Variants in FBXL7 observed in about 807,000 individuals in gnomAD.
The protein encoded by FBXL7 is F-box/LRR-repeat protein 7.
Under a neutral mutation model 38.3 loss-of-function variants are expected in FBXL7, and 12 were observed. That is an observed-to-expected ratio of 0.31 (90% CI 0.20 to 0.51). The LOEUF is 0.51. FBXL7 is among the 20% of genes least tolerant of loss of function. The pLI, the probability that FBXL7 is intolerant of heterozygous loss-of-function variation, is 0.98. For synonymous variants in FBXL7, 297 were observed against 300.9 expected, an observed-to-expected ratio of 0.99 and a Z score of 0.13; for missense variants, 567 against 676.4, an observed-to-expected ratio of 0.84 and a Z score of 1.79.
intron 2 of FBXL7, among the ~76,000 whole-genome samples, chr5:15,872,801 T>A (rs1343179672): frequency 2.6e-5 from 4 of 152,030 alleles, no homozygotes; most frequent in African/African-American, 9.7e-5. Context: ...AGAGACTACA[T>A]AGAGATGTAG....
At chr5:15,872,514 G>A (rs770444322) in intron 2 of FBXL7, among the ~76,000 whole-genome samples, 38 of 152,212 alleles carry the variant, frequency 2.5e-4, no homozygotes, top group Non-Finnish European at 5.1e-4. Flanking sequence ...TAGGCCCATC[G>A]CTGTGCTGTA....
chr5:15,669,307 A>G (rs143986970), intron 2 of FBXL7, among the ~76,000 whole-genome samples: 1 of 152,298 alleles, frequency 6.6e-6, no homozygotes, highest in East Asian at 1.9e-4. Context: ...GAGTTTGAAG[A>G]TAAGTTCAGG....
intron 2 of FBXL7, among the ~76,000 whole-genome samples, chr5:15,724,446 G>C (rs1419591649): frequency 6.6e-6 from 1 of 152,048 alleles, no homozygotes; most frequent in Non-Finnish European, 1.5e-5. Context: ...CCACAATAAG[G>C]ATTCAAAATA....
chr5:15,680,979 A>G (rs1234016136), intron 2 of FBXL7, among the ~76,000 whole-genome samples: 2 of 152,194 alleles, frequency 1.3e-5, no homozygotes, highest in African/African-American at 2.4e-5. Flanking sequence ...AATGATGACT[A>G]TCTTTTTAGT....
intron 2 of FBXL7, among the ~76,000 whole-genome samples, chr5:15,623,121 G>C (rs1292359246): frequency 6.6e-6 from 1 of 152,212 alleles, no homozygotes; most frequent in African/African-American, 2.4e-5. Flanking sequence ...TTTGCTGCCT[G>C]ATTTCTAGCA....
At chr5:15,594,365 T>C (rs1444466274) in intron 1 of FBXL7, among the ~76,000 whole-genome samples, 2 of 152,266 alleles carry the variant, frequency 1.3e-5, no homozygotes, top group Non-Finnish European at 2.9e-5. Context: ...GTATCTGTTC[T>C]GATCTTGGGC....
At chr5:15,553,721 GA>G (rs1329450542) in intron 1 of FBXL7, among the ~76,000 whole-genome samples, 9 of 150,284 alleles carry the variant, frequency 6.0e-5, no homozygotes, top group African/African-American at 1.2e-4. Flanking sequence ...CAAAGCAAAG[GA>G]AAAAAAAAGG....
At chr5:15,688,804 G>A (rs982015314) in intron 2 of FBXL7, among the ~76,000 whole-genome samples, 11 of 152,170 alleles carry the variant, frequency 7.2e-5, no homozygotes, top group Non-Finnish European at 1.5e-4. Flanking sequence ...CCAGATGACA[G>A]TGGGGCTGAC....
chr5:15,550,204 G>A (rs992615159), intron 1 of FBXL7, among the ~76,000 whole-genome samples: 12 of 152,134 alleles, frequency 7.9e-5, no homozygotes, highest in African/African-American at 2.7e-4. Context: ...AGGACTTTTC[G>A]AAAGCAACTT....
At chr5:15,893,702 T>G (rs1741003231) in intron 2 of FBXL7, among the ~76,000 whole-genome samples, 1 of 152,248 alleles carries the variant, frequency 6.6e-6, no homozygotes, top group Non-Finnish European at 1.5e-5. Flanking sequence ...AGTCACCTGG[T>G]TGAAACGGAG....
chr5:15,620,850 T>G (rs1448801160), intron 2 of FBXL7, among the ~76,000 whole-genome samples: 1 of 152,220 alleles, frequency 6.6e-6, no homozygotes, highest in Non-Finnish European at 1.5e-5. Flanking sequence ...ACATTGGTTT[T>G]GGTTTCTTTT....
At chr5:15,763,134 C>T (rs959039902) in intron 2 of FBXL7, among the ~76,000 whole-genome samples, 6 of 152,112 alleles carry the variant, frequency 3.9e-5, no homozygotes, top group Non-Finnish European at 8.8e-5. Context: ...AATGGAGAGG[C>T]AATATGTATA....
At chr5:15,859,415 A>G (rs1739377073) in intron 2 of FBXL7, among the ~76,000 whole-genome samples, 1 of 152,126 alleles carries the variant, frequency 6.6e-6, no homozygotes, top group Non-Finnish European at 1.5e-5. Flanking sequence ...TCTACTGAGT[A>G]AAGGACAAAT....
At chr5:15,583,841 G>C (rs1262329080) in intron 1 of FBXL7, among the ~76,000 whole-genome samples, 1 of 152,180 alleles carries the variant, frequency 6.6e-6, no homozygotes, top group Non-Finnish European at 1.5e-5. Context: ...TGGGGGTTCT[G>C]ACTCCACATT....
chr5:15,695,075 A>T (rs1429955361), intron 2 of FBXL7, among the ~76,000 whole-genome samples: 6 of 152,230 alleles, frequency 3.9e-5, no homozygotes, highest in African/African-American at 9.6e-5. Flanking sequence ...ACCCAACTTC[A>T]TAAAGATCAG....
intron 1 of FBXL7, among the ~76,000 whole-genome samples, chr5:15,569,625 A>G (rs1447672946): frequency 1.3e-5 from 2 of 151,384 alleles, no homozygotes. Context: ...TTCCAACACT[A>G]TGTTGAATAG....
At chr5:15,895,107 C>T (rs1027131536) in intron 2 of FBXL7, among the ~76,000 whole-genome samples, 6 of 152,106 alleles carry the variant, frequency 3.9e-5, no homozygotes, top group Admixed American at 2.6e-4. Context: ...CTATTCTACT[C>T]GTTAATCTGT....
chr5:15,807,023 C>T (rs257770), intron 2 of FBXL7, among the ~76,000 whole-genome samples: 81,824 of 151,904 alleles, frequency 0.54, 23,214 homozygotes, highest in Non-Finnish European at 0.64. Context: ...ACAATCTCAG[C>T]TTACTGCAAC....
At chr5:15,634,724 C>G (rs1386878084) in intron 2 of FBXL7, among the ~76,000 whole-genome samples, 1 of 152,132 alleles carries the variant, frequency 6.6e-6, no homozygotes, top group Non-Finnish European at 1.5e-5. Flanking sequence ...AAGTCTGAAG[C>G]GAGTCTTAGA....
Sources: allele counts gnomAD v4.1 joint callset (sites outside exome capture counted in the v4.1 genomes callset), GRCh38; gene constraint gnomAD v4.1.1; transcripts MANE v1.5; gene names NCBI Gene and HGNC (gene_info 2026-07-23, HGNC 2026-07-21).